LRRC24: variants seen among roughly 807,000 people sequenced by gnomAD.
LRRC24 encodes the protein leucine-rich repeat-containing protein 24.
In LRRC24, 19 loss-of-function variants were observed where a neutral mutation model predicts 15.3. That is an observed-to-expected ratio of 1.25 (90% CI 0.87 to 1.83). The LOEUF is 1.83. Ranked by LOEUF, LRRC24 falls within the 40% of genes most tolerant of loss-of-function variation. The pLI, the probability that LRRC24 is intolerant of heterozygous loss-of-function variation, is 0.00. For missense variants in LRRC24, 914 were observed against 723.9 expected, an observed-to-expected ratio of 1.26 and a Z score of -3.01; for synonymous variants, 469 against 359.6, an observed-to-expected ratio of 1.30 and a Z score of -3.44.
At chr8:144,525,568 A>G (rs1211955480) in intron 1 of LRRC24, among the ~76,000 whole-genome samples, 1 of 152,172 alleles carries the variant, frequency 6.6e-6, no homozygotes, top group Non-Finnish European at 1.5e-5. Context: ...CAGAGGAGCT[A>G]CGAGCCCCAG....
Position 144,524,198 on chromosome 8 carries a change from T to C in LRRC24, c.519A>G (p.Ala173=). 1 of 1,612,586 alleles carries C rather than the reference T, an allele frequency of 6.2e-7. No homozygotes were observed. Among genetic ancestry groups the C allele is most frequent in the Non-Finnish European group, 8.5e-7 (1 of 1,179,866 alleles). ...GCTGGTTCCTGCTGAGGTCCAGCAG[T>C]GCTAGGGAGGACAGCCCCGCTAGAG... is the stretch of plus-strand genomic sequence containing the variant. ...DQALAGLSSL[A]LLDLSRNQLG... The change falls in exon 4 of 5, where the codon GCA becomes GCG. Residue 173 remains alanine, a synonymous_variant. Coordinates refer to ENST00000529415, the MANE Select transcript of LRRC24 (RefSeq NM_001024678.4).
rs1205522349 is a variant in LRRC24, at chr8:144,524,933, TAGC to T, written c.39_41del (p.Leu16del). The T allele has an allele frequency of 1.1e-5, 16 of 1,510,742 alleles. No homozygotes were observed. Among genetic ancestry groups the T allele is most frequent in the Admixed American group, 2.0e-5 (1 of 49,348 alleles). The allele number at this position is 1,510,742 out of a possible 1,614,324, so 93.6% of individuals were successfully genotyped here. A position where few individuals can be genotyped will look rare whatever the true frequency, so the allele number is the denominator to read the frequency against. On this transcript the variant is annotated inframe_deletion, in exon 2 of 5. Transcript: ENST00000529415. ...AGCCGGCGGCGCGGAGCGGCAGTAG[TAGC>T]AGCAGCAGCGGCAGCAGTGCGGGGG...
At position 144,522,841 on chromosome 8, in the gene LRRC24, G is replaced by C; in HGVS notation, c.1176C>G (p.Gly392=). The change falls in exon 5 of 5, where the codon GGC becomes GGG. Residue 392 remains glycine, a synonymous_variant. Coordinates refer to ENST00000529415, the MANE Select transcript of LRRC24 (RefSeq NM_001024678.4). ...PAGSEPRPEA[G]SMAFRALGVA... ...CGCCCAGGGCGCGGAAGGCCATGCT[G>C]CCCGCCTCGGGCCGGGGCTCGCTGC... 7.3e-7 allele frequency: 1 copy of C among 1,374,140 alleles called. No individual in the cohort carries two copies. 85.1% of individuals were successfully genotyped at this position (1,374,140 alleles called of 1,614,324 possible). A position where few individuals can be genotyped will look rare whatever the true frequency, so the allele number is the denominator to read the frequency against.
Position 144,522,400 on chromosome 8 carries a change from A to T in LRRC24, c.*75T>A. 1 of 1,366,786 alleles carries T rather than the reference A, an allele frequency of 7.3e-7. No homozygotes were observed. Among genetic ancestry groups the T allele is most frequent in the Non-Finnish European group, 9.4e-7 (1 of 1,067,500 alleles). 84.7% of individuals were successfully genotyped at this position (1,366,786 alleles called of 1,614,324 possible). On this transcript the variant is annotated 3_prime_UTR_variant, in exon 5 of 5. Transcript: ENST00000529415. The stretch of plus-strand genomic sequence containing the variant: ...GCTCAGCGCACACTGCGCGGCTTCC[A>T]CCTTTACTGACGGAGCATGCGCGAG...
At chr8:144,526,008 A>AAGCC (rs1226602905) in intron 1 of LRRC24, 2 of 152,190 alleles carry the variant, frequency 1.3e-5, no homozygotes, top group African/African-American at 4.8e-5. Context: ...GATCTGGGCT[A>AAGCC]AGCCAGCCAG....
chr8:144,524,980 G>A lies in LRRC24; in HGVS notation c.-6C>T, dbSNP rs1250825272. 3 of 1,448,260 alleles carry A rather than the reference G, an allele frequency of 2.1e-6. No individual in the cohort carries two copies. Among genetic ancestry groups the A allele is most frequent in the Admixed American group, 5.2e-5 (2 of 38,116 alleles). The allele number at this position is 1,448,260 out of a possible 1,614,324, so 89.7% of individuals were successfully genotyped here. A position where few individuals can be genotyped will look rare whatever the true frequency, so the allele number is the denominator to read the frequency against. On this transcript the variant is annotated 5_prime_UTR_variant, in exon 2 of 5. Transcript: ENST00000529415. ...GCGGGGGCCCTCAGGGCCATCTCCC[G>A]AGGCCCGGTTCCTCACCGGCCCTTC...
At position 144,523,283 on chromosome 8, in the gene LRRC24, T is replaced by C. The variant is rs778646434; in HGVS notation, c.734A>G (p.Gln245Arg). ...GCTGTGGGATACGTCCAGGAGACTC[T>C]GGAGCGCCAGGCGCGGGGGCTCTGC... The part of the protein sequence containing the change: ...MCAEPPRLAL[Q>R]SLLDVSHSSL... Residue 245 changes from glutamine (Q) to arginine (R), a missense_variant, in exon 5 of 5, where the codon CAG becomes CGG. Transcript: ENST00000529415. The C allele has an allele frequency of 1.2e-6, 2 of 1,611,068 alleles. No homozygotes were observed. Among genetic ancestry groups the C allele is most frequent in the Non-Finnish European group, 1.7e-6 (2 of 1,179,266 alleles).
chr8:144,526,120 T>C (rs527407619), intron 1 of LRRC24: 1 of 152,316 alleles, frequency 6.6e-6, no homozygotes, highest in Admixed American at 6.5e-5. Flanking sequence ...TCTTCCTCCT[T>C]TCGAGTCATG....
In LRRC24 at chr8:144,522,392, C is replaced by T; in HGVS notation, c.*83G>A. ...CACACACGGCTCAGCGCACACTGCGCGGCTTCCACCTTTACTGACGGAGCA... is the reference window on the plus strand; with the variant it reads ...CACACACGGCTCAGCGCACACTGCGTGGCTTCCACCTTTACTGACGGAGCA... On this transcript the variant is annotated 3_prime_UTR_variant, in exon 5 of 5. Coordinates refer to ENST00000529415, the MANE Select transcript of LRRC24 (RefSeq NM_001024678.4). The T allele has an allele frequency of 2.9e-6, 4 of 1,363,598 alleles. No homozygotes were observed. The highest frequency in any genetic ancestry group is 1.7e-5 in the South Asian group (1 of 57,798). The allele number at this position is 1,363,598 out of a possible 1,614,324, so 84.5% of individuals were successfully genotyped here.
intron 4 of LRRC24, 118 bp downstream of exon 4, chr8:144,523,992 G>C: frequency 8.3e-7 from 1 of 1,198,198 alleles, no homozygotes; most frequent in South Asian, 1.5e-5. Flanking sequence ...TGCAGGCGGT[G>C]GTGCAGCCTT....
Position 144,522,994 on chromosome 8 carries a change from A to C in LRRC24, c.1023T>G (p.Gly341=), listed in dbSNP as rs952106177. ...FLSNITLAHA[G]KYECEASNAG... ...CGTTGGAGGCCTCGCACTCGTACTT[A>C]CCGGCGTGCGCCAGCGTGATGTTGC... is the stretch of plus-strand genomic sequence containing the variant. The change falls in exon 5 of 5, where the codon GGT becomes GGG. Residue 341 remains glycine, a synonymous_variant. Coordinates refer to ENST00000529415, the MANE Select transcript of LRRC24 (RefSeq NM_001024678.4). The C allele has an allele frequency of 1.3e-6, 2 of 1,595,820 alleles. No individual in the cohort carries two copies. Among genetic ancestry groups the C allele is most frequent in the Admixed American group, 1.7e-5 (1 of 59,028 alleles).
At chr8:144,524,409 G>C (rs557033400) in intron 3 of LRRC24, 32 bp downstream of exon 3, 2 of 1,596,016 alleles carry the variant, frequency 1.3e-6, no homozygotes, top group Non-Finnish European at 1.7e-6. Flanking sequence ...CCATAATGGA[G>C]TATCCCGCCC....
intron 4 of LRRC24, chr8:144,523,823 C>A (rs1255115427): frequency 2.1e-6 from 1 of 475,686 alleles, no homozygotes; most frequent in Non-Finnish European, 3.7e-6. Context: ...AGCTGTCTCT[C>A]TCCTTTGCAA....
intron 3 of LRRC24, 52 bp from the exon 4 acceptor site, chr8:144,524,330 A>G (rs757451756): frequency 1.5e-5 from 24 of 1,601,236 alleles, no homozygotes; most frequent in Non-Finnish European, 1.8e-5. Context: ...GGTTGGGGGC[A>G]TGTCTCTCTT....
At position 144,522,653 on chromosome 8, in the gene LRRC24, G is replaced by A. The variant is rs1198254631; in HGVS notation, c.1364C>T (p.Thr455Met). The A allele has an allele frequency of 1.9e-6, 3 of 1,590,364 alleles. No homozygotes were observed. The highest frequency in any genetic ancestry group is 2.6e-6 in the Non-Finnish European group (3 of 1,170,146). ...GCGGAGCTCCTCTAGCTGTGCGAAC[G>A]TACAGGGGCCGTCCAAGTAGTCGTT... ...FVNDYLDGPC[T>M]FAQLEELRDE... Residue 455 changes from threonine to methionine, a missense_variant, in exon 5 of 5, where the codon ACG becomes ATG. Thr to Met is a moderately conservative substitution (Grantham distance 81). Transcript: ENST00000529415.
At position 144,522,598 on chromosome 8, in the gene LRRC24, G is replaced by C; in HGVS notation, c.1419C>G (p.Ile473Met). ...CGGCGAAGAGCGGCTTGGAGCGGTTGATGACGAACATCTCGTGGCCGCGCT... is the reference window on the plus strand; with the variant it reads ...CGGCGAAGAGCGGCTTGGAGCGGTTCATGACGAACATCTCGTGGCCGCGCT... ...RDERGHEMFV[I>M]NRSKPLFAEG... is the part of the protein sequence containing the mutation. Residue 473 changes from isoleucine (I) to methionine (M), a missense_variant, in exon 5 of 5, where the codon ATC (isoleucine) becomes ATG (methionine). Coordinates refer to ENST00000529415, the MANE Select transcript of LRRC24 (RefSeq NM_001024678.4). 6.4e-7 allele frequency: 1 copy of C among 1,566,734 alleles called. No individual in the cohort carries two copies. Among genetic ancestry groups the C allele is most frequent in the South Asian group, 1.2e-5 (1 of 85,622 alleles).
In LRRC24 at chr8:144,526,983, TCC is replaced by T. The variant is rs1187973208; in HGVS notation, c.-85_-84del. The T allele has an allele frequency of 6.6e-6, 1 of 152,434 alleles. No homozygotes were observed. The highest frequency in any genetic ancestry group is 1.5e-5 in the Non-Finnish European group (1 of 68,470). 9.4% of individuals were successfully genotyped at this position (152,434 alleles called of 1,614,324 possible). A position where few individuals can be genotyped will look rare whatever the true frequency, so the allele number is the denominator to read the frequency against. On this transcript the variant is annotated 5_prime_UTR_variant, in exon 1 of 5. Transcript: ENST00000529415. Reference sequence around the variant, plus strand: ...ACCTGACGCTCCCGCGGCGAGCGGCTCCCCCGCCGTGCAGGTGGCGGCCGGGC... The same window carrying T: ...ACCTGACGCTCCCGCGGCGAGCGGCTCCCGCCGTGCAGGTGGCGGCCGGGC...
chr8:144,523,520 T>A, intron 4 of LRRC24, 111 bp from the exon 5 acceptor site: 1 of 1,407,056 alleles, frequency 7.1e-7, no homozygotes, highest in Non-Finnish European at 9.2e-7. Context: ...CCCACAGCGT[T>A]TTCACACGGA....
At chr8:144,526,506 C>G (rs1174493288) in intron 1 of LRRC24, 1 of 152,282 alleles carries the variant, frequency 6.6e-6, no homozygotes, top group African/African-American at 2.4e-5. Flanking sequence ...CCTGCCAGGG[C>G]AGGGATGAGG....
Sources: allele counts gnomAD v4.1 joint callset (sites outside exome capture counted in the v4.1 genomes callset), GRCh38; gene constraint gnomAD v4.1.1; transcripts MANE v1.5; gene names NCBI Gene and HGNC (gene_info 2026-07-23, HGNC 2026-07-21).